Variants in THADA observed in about 807,000 individuals in gnomAD.
THADA encodes tRNA (32-2'-O)-methyltransferase regulator THADA.
In THADA, 213 loss-of-function variants were observed where a neutral mutation model predicts 219.8. That is an observed-to-expected ratio of 0.97 (90% confidence interval 0.87 to 1.09). The LOEUF is 1.09. Among genes scored for constraint, THADA ranks in the 50% least tolerant of loss-of-function variants. THADA has a pLI of 0.00. For missense variants in THADA, 2,956 were observed against 2,311.3 expected (o/e 1.28, Z -5.72); for synonymous variants, 1,018 against 828.9 (o/e 1.23, Z -3.92).
At chr2:43,590,151 T>C (rs1701403923) in intron 4 of THADA, among the ~76,000 whole-genome samples, 2 of 152,220 alleles carry the variant, frequency 1.3e-5, no homozygotes, top group South Asian at 4.1e-4. Flanking sequence ...TTAGTTTTTA[T>C]TTTGTATAGT....
intron 36 of THADA, among the ~76,000 whole-genome samples, chr2:43,272,239 T>C (rs1055653828): frequency 6.6e-6 from 1 of 151,902 alleles, no homozygotes; most frequent in Non-Finnish European, 1.5e-5. Flanking sequence ...CTGGACTGGG[T>C]AGGATTTTAT....
intron 29 of THADA, among the ~76,000 whole-genome samples, chr2:43,364,957 CTTTTTT>C (rs111298149): frequency 4.4e-5 from 6 of 135,938 alleles, no homozygotes; most frequent in African/African-American, 1.6e-4. Context: ...TTAATCTCAT[CTTTTTT>C]TTTTTTTTTT....
intron 10 of THADA, among the ~76,000 whole-genome samples, chr2:43,575,286 AAAAAATTT>A (rs1217257953): frequency 1.3e-5 from 2 of 152,184 alleles, no homozygotes; most frequent in Admixed American, 6.5e-5. Context: ...CCATCTCTAT[AAAAAATTT>A]AAAAATTTAG....
chr2:43,353,006 T>C (rs1184473401), intron 29 of THADA, among the ~76,000 whole-genome samples: 2 of 152,224 alleles, frequency 1.3e-5, no homozygotes, highest in Non-Finnish European at 2.9e-5. Flanking sequence ...GCGACACTTT[T>C]CTGTGTCTGG....
intron 28 of THADA, 94 bp from the exon 29 acceptor site, chr2:43,398,233 A>T: frequency 5.2e-6 from 7 of 1,344,394 alleles, no homozygotes; most frequent in Non-Finnish European, 7.2e-6. Context: ...GGCCTGGAAC[A>T]TCCAGGGGTT....
rs773081785 is a variant in THADA, at chr2:43,231,039, T to C, written c.5771A>G (p.Lys1924Arg). ...CLRLLAFLEG[K>R]EGEDTLVLSV... ...GAGAACTAGGGTGTCTTCCCCTTCC[T>C]TTCCTTCCAAAAAGGCCAGCAGCCT... is the stretch of plus-strand genomic sequence containing the variant. Residue 1924 changes from lysine (K) to arginine (R), a missense_variant, in exon 38 of 38, where the codon AAG becomes AGG. By Grantham distance (26) the Lys-to-Arg change is conservative. Coordinates refer to ENST00000405975, the MANE Select transcript of THADA (RefSeq NM_022065.5). 1 of 1,613,954 alleles carries C rather than the reference T, an allele frequency of 6.2e-7. No homozygotes were observed. The highest frequency in any genetic ancestry group is 8.5e-7 in the Non-Finnish European group (1 of 1,179,880).
At chr2:43,363,191 T>A (rs974476450) in intron 29 of THADA, among the ~76,000 whole-genome samples, 2 of 152,258 alleles carry the variant, frequency 1.3e-5, no homozygotes, top group African/African-American at 4.8e-5. Flanking sequence ...CATAGTCATC[T>A]GCTGTCATTA....
chr2:43,348,301 G>A (rs1667872554), intron 29 of THADA, among the ~76,000 whole-genome samples: 1 of 152,188 alleles, frequency 6.6e-6, no homozygotes, highest in South Asian at 2.1e-4. Flanking sequence ...CTAGACCACC[G>A]CTGTCACCAC....
intron 4 of THADA, among the ~76,000 whole-genome samples, chr2:43,589,612 C>A (rs1350563760): frequency 6.6e-6 from 1 of 152,114 alleles, no homozygotes; most frequent in Non-Finnish European, 1.5e-5. Flanking sequence ...TGTTCTCACT[C>A]ATAAGTGGAA....
chr2:43,359,717 T>A (rs1669277368), intron 29 of THADA, among the ~76,000 whole-genome samples: 1 of 151,804 alleles, frequency 6.6e-6, no homozygotes, highest in African/African-American at 2.4e-5. Context: ...CCCCTTTTAC[T>A]CTTAGGCATT....
At chr2:43,390,384 T>A (rs1170843613) in intron 29 of THADA, among the ~76,000 whole-genome samples, 1 of 152,226 alleles carries the variant, frequency 6.6e-6, no homozygotes, top group East Asian at 1.9e-4. Flanking sequence ...GCAGTTGGTA[T>A]ACCTGCTTAC....
intron 26 of THADA, among the ~76,000 whole-genome samples, chr2:43,444,333 T>C (rs892538483): frequency 6.6e-6 from 1 of 152,216 alleles, no homozygotes; most frequent in Non-Finnish European, 1.5e-5. Context: ...GTGTGAACAT[T>C]TGTCTGGCCA....
chr2:43,374,101 A>C (rs1467237817), intron 29 of THADA, among the ~76,000 whole-genome samples: 2 of 152,216 alleles, frequency 1.3e-5, no homozygotes, highest in African/African-American at 4.8e-5. Flanking sequence ...CTATCAAGTG[A>C]AAGTTTAAAA....
Position 43,450,034 on chromosome 2 carries a change from C to T in THADA, c.3837-19732G>A, listed in dbSNP as rs535110457. Among the ~76,000 whole-genome samples the T allele has an allele frequency of 4.6e-5, 7 of 152,126 alleles. 1 individual carries two copies. In the South Asian group the frequency reaches 1.5e-3, roughly 32 times the overall value. On this transcript the variant is annotated intron_variant, in intron 26 of 37. Transcript: ENST00000405975. Reference sequence around the variant, plus strand: ...GCCCTGCAAGAAATATAAAAAGAGTCCTGAAAGCTGAAATAAAAGGACACT... The same window carrying T: ...GCCCTGCAAGAAATATAAAAAGAGTTCTGAAAGCTGAAATAAAAGGACACT...
intron 22 of THADA, among the ~76,000 whole-genome samples, chr2:43,516,884 C>A (rs902836894): frequency 6.6e-6 from 1 of 152,118 alleles, no homozygotes; most frequent in African/African-American, 2.4e-5. Context: ...AAAAATAGAA[C>A]CGCAGAATAA....
intron 31 of THADA, among the ~76,000 whole-genome samples, chr2:43,309,458 A>G (rs1276191697): frequency 2.0e-5 from 3 of 152,246 alleles, no homozygotes; most frequent in South Asian, 2.1e-4. Flanking sequence ...CTAGTAAATT[A>G]GTATAAACAA....
At chr2:43,506,215 T>A (rs766153299) in intron 23 of THADA, among the ~76,000 whole-genome samples, 3 of 152,180 alleles carry the variant, frequency 2.0e-5, no homozygotes, top group Non-Finnish European at 2.9e-5. Context: ...AAAAGAATCA[T>A]TACTTGGAGG....
intron 29 of THADA, among the ~76,000 whole-genome samples, chr2:43,373,214 T>C (rs554563711): frequency 1.3e-5 from 2 of 152,152 alleles, no homozygotes; most frequent in Non-Finnish European, 2.9e-5. Flanking sequence ...TAATGACAAG[T>C]TTACATGTTT....
At chr2:43,399,139 A>C (rs965712539) in intron 28 of THADA, among the ~76,000 whole-genome samples, 1 of 152,234 alleles carries the variant, frequency 6.6e-6, no homozygotes, top group Non-Finnish European at 1.5e-5. Context: ...CAATATGCTA[A>C]GTACCAGCTT....
Sources: gnomAD v4.1 joint callset for allele counts (sites outside exome capture counted in the v4.1 genomes callset) on GRCh38, gnomAD v4.1.1 for gene constraint, MANE v1.5 for transcripts, NCBI Gene and HGNC (gene_info 2026-07-23, HGNC 2026-07-21) for gene names.